VWA3A: variants seen among roughly 807,000 people sequenced by gnomAD.
The protein encoded by VWA3A is von Willebrand factor A domain containing 3A.
A neutral mutation model predicts 160.4 loss-of-function variants in VWA3A; 134 were observed. The ratio of observed to expected loss-of-function variants is 0.84; its 90% CI spans 0.73 to 0.96. The LOEUF (loss-of-function observed/expected upper bound fraction) is 0.96. Among genes scored for constraint, VWA3A ranks in the 40% least tolerant of loss-of-function variants. The pLI, the probability that VWA3A is intolerant of heterozygous loss-of-function variation, is 0.00. For synonymous variants in VWA3A, 476 were observed against 543.4 expected, an observed-to-expected ratio of 0.88 and a Z score of 1.72; for missense variants, 1,310 against 1,447.9, an observed-to-expected ratio of 0.90 and a Z score of 1.55.
rs770329729 is a variant in VWA3A, at chr16:22,149,823, A to G, written c.3021A>G (p.Ser1007=). ...NLLSFAESFQ[S]WQDTLVETTD... is the part of the protein sequence containing the mutation. ...TCAGCTTTGCAGAGAGCTTTCAGTC[A>G]TGGCAGGACACGCTGGTGGAGACCA... Residue 1007 remains serine (S), a synonymous_variant, in exon 29 of 34, where the codon TCA becomes TCG. Coordinates refer to ENST00000389398, the MANE Select transcript of VWA3A (RefSeq NM_173615.5). 1 of 1,584,694 alleles carries G rather than the reference A, an allele frequency of 6.3e-7. No homozygotes were observed. The highest frequency in any genetic ancestry group is 8.6e-7 in the Non-Finnish European group (1 of 1,165,754).
chr16:22,133,415 G>A (rs1251851371), intron 20 of VWA3A, among the ~76,000 whole-genome samples: 1 of 152,210 alleles, frequency 6.6e-6, no homozygotes, highest in East Asian at 1.9e-4. Flanking sequence ...AGTTTGAGAG[G>A]CCAACGTGGT....
intron 19 of VWA3A, among the ~76,000 whole-genome samples, chr16:22,132,553 A>AATAC (rs928833955): frequency 3.4e-4 from 52 of 152,084 alleles, no homozygotes; most frequent in South Asian, 1.2e-3. Context: ...GTCTCTTTAA[A>AATAC]ATACATACAT....
intron 15 of VWA3A, 97 bp from the exon 16 acceptor site, chr16:22,123,516 C>CA: frequency 6.2e-7 from 1 of 1,606,712 alleles, no homozygotes; most frequent in Non-Finnish European, 8.5e-7. Context: ...CTTGACACAC[C>CA]ATTCCCTGAA....
chr16:22,144,699 C>T (rs907923622), intron 26 of VWA3A, among the ~76,000 whole-genome samples: 2 of 151,918 alleles, frequency 1.3e-5, no homozygotes, highest in African/African-American at 4.8e-5. Flanking sequence ...GGGAGGATTG[C>T]TTGAGCCCAA....
intron 30 of VWA3A, 112 bp from the exon 31 acceptor site, chr16:22,152,399 A>C: frequency 7.2e-7 from 1 of 1,391,772 alleles, no homozygotes; most frequent in Non-Finnish European, 9.7e-7. Context: ...GCCCATTGCC[A>C]GGCTGATTTC....
At chr16:22,146,689 C>T (rs1284460007) in intron 27 of VWA3A, among the ~76,000 whole-genome samples, 1 of 151,638 alleles carries the variant, frequency 6.6e-6, no homozygotes, top group Non-Finnish European at 1.5e-5. Context: ...GAGGCTGAGG[C>T]AGGAAAATCG....
chr16:22,135,799 G>A (rs1298516912), intron 21 of VWA3A, among the ~76,000 whole-genome samples: 1 of 151,830 alleles, frequency 6.6e-6, no homozygotes, highest in African/African-American at 2.4e-5. Flanking sequence ...GTTTTTTGGG[G>A]GTTTTTTTGA....
At position 22,131,296 on chromosome 16, in the gene VWA3A, G is replaced by C; in HGVS notation, c.1727+17G>C. ...TGCCTGGCGGTAGGTTATGGGCAGA[G>C]ACTTCGTGGGGCTGTGTCTGAGGGA... On this transcript the variant is annotated intron_variant, in intron 18 of 33. Transcript: ENST00000389398. 1.2e-6 allele frequency: 2 copies of C among 1,613,304 alleles called. No individual in the cohort carries two copies. Among genetic ancestry groups the C allele is most frequent in the Non-Finnish European group, 1.7e-6 (2 of 1,179,588 alleles).
chr16:22,153,288 A>C (rs1162537804), intron 31 of VWA3A, among the ~76,000 whole-genome samples: 1 of 152,226 alleles, frequency 6.6e-6, no homozygotes, highest in East Asian at 1.9e-4. Context: ...GGTTGCAGTC[A>C]GCCGAGATTG....
At chr16:22,151,708 C>G (rs1598112906) in intron 30 of VWA3A, among the ~76,000 whole-genome samples, 1 of 148,660 alleles carries the variant, frequency 6.7e-6, no homozygotes, top group East Asian at 2.0e-4. Context: ...TCCATCTCTA[C>G]AAAACAAAAT....
chr16:22,140,192 G>A lies in VWA3A; in HGVS notation c.2331G>A (p.Pro777=), dbSNP rs771251570. 4 of 1,613,606 alleles carry A rather than the reference G, an allele frequency of 2.5e-6. No homozygotes were observed. The highest frequency in any genetic ancestry group is 1.1e-5 in the South Asian group (1 of 91,038). ...KDDPDREKSP[P]LKSLKWRPLS... ...ACCCTGACAGAGAGAAGAGCCCCCC[G>A]CTGAAATCTCTGAAATGGCGTCCAC... Residue 777 remains proline, a synonymous_variant, in exon 23 of 34, where the codon CCG becomes CCA. Coordinates refer to ENST00000389398, the MANE Select transcript of VWA3A (RefSeq NM_173615.5).
intron 23 of VWA3A, 145 bp downstream of exon 23, chr16:22,140,389 C>A: frequency 1.4e-6 from 1 of 716,444 alleles, no homozygotes; most frequent in Non-Finnish European, 2.3e-6. Context: ...GGAAGGATCA[C>A]TTGAGGTCAG....
chr16:22,115,918 G>GAAGGAAGGAAGGAAGGAAAGGA (rs2045630381), intron 9 of VWA3A, among the ~76,000 whole-genome samples: 4 of 31,390 alleles, frequency 1.3e-4, no homozygotes, highest in Admixed American at 3.4e-4. Flanking sequence ...AGGAAGGAAG[G>GAAGGAAGGAAGGAAGGAAAGGA]AAGGAAAGGA....
chr16:22,094,718 C>A (rs1478256157), intron 1 of VWA3A, among the ~76,000 whole-genome samples: 2 of 152,128 alleles, frequency 1.3e-5, no homozygotes, highest in Non-Finnish European at 1.5e-5. Flanking sequence ...GTAATCCCAG[C>A]ACTTTGGGAG....
Position 22,097,584 on chromosome 16 carries a change from C to T in VWA3A, c.114C>T (p.Asn38=), listed in dbSNP as rs371313137. ...MFLENHCIRR[N]TGRDSKKPLK... ...TTATGTTTTGTAGCATTAGGAGAAA[C>T]ACTGGCAGAGATTCAAAGAAGCCAC... Residue 38 remains asparagine, a synonymous_variant, in exon 3 of 34, where the codon AAC becomes AAT. Transcript: ENST00000389398. The T allele has an allele frequency of 6.4e-7, 1 of 1,551,554 alleles. No homozygotes were observed. Among genetic ancestry groups the T allele is most frequent in the Non-Finnish European group, 8.7e-7 (1 of 1,146,956 alleles).
intron 11 of VWA3A, among the ~76,000 whole-genome samples, chr16:22,118,610 C>T (rs943127316): frequency 6.6e-6 from 1 of 152,188 alleles, no homozygotes; most frequent in Non-Finnish European, 1.5e-5. Context: ...GGCGTGAACC[C>T]AGGAGGCGGA....
Position 22,119,010 on chromosome 16 carries a change from A to C in VWA3A, c.1099A>C (p.Thr367Pro). Residue 367 changes from threonine (T) to proline (P), a missense_variant, in exon 12 of 34, where the codon ACC becomes CCC. Physicochemically the swap from Thr to Pro is conservative, Grantham distance 38. Coordinates refer to ENST00000389398, the MANE Select transcript of VWA3A (RefSeq NM_173615.5). ...GCACAGCAGCCCCTGTGAGGCGCTC[A>C]CCTGCACCATGGAGGAGGTAGGTGG... The part of the protein sequence containing the change: ...LQHSSPCEAL[T>P]CTMEEISTEI... 6.2e-7 allele frequency: 1 copy of C among 1,612,692 alleles called. No individual in the cohort carries two copies. The highest frequency in any genetic ancestry group is 8.5e-7 in the Non-Finnish European group (1 of 1,179,294).
intron 5 of VWA3A, among the ~76,000 whole-genome samples, chr16:22,100,963 T>C (rs1239573322): frequency 2.6e-5 from 3 of 115,822 alleles, no homozygotes; most frequent in Non-Finnish European, 3.4e-5. Context: ...GGACCCTGTC[T>C]CAAAAAAAAA....
intron 26 of VWA3A, among the ~76,000 whole-genome samples, chr16:22,145,661 A>G (rs72768912): frequency 0.089 from 13,433 of 151,702 alleles, 661 homozygotes; most frequent in South Asian, 0.15. Flanking sequence ...AAAAATCAGA[A>G]ATTATTATGA....
Sources: gnomAD v4.1 joint callset for allele counts (sites outside exome capture counted in the v4.1 genomes callset) on GRCh38, gnomAD v4.1.1 for gene constraint, MANE v1.5 for transcripts, NCBI Gene and HGNC (gene_info 2026-07-23, HGNC 2026-07-21) for gene names.